Variants in TPP2 observed in about 807,000 individuals in gnomAD.
TPP2 encodes the protein tripeptidyl peptidase 2, also known as tripeptidyl-peptidase 2.
Under a neutral mutation model 155.9 loss-of-function variants are expected in TPP2, and 34 were observed. That is an observed-to-expected ratio of 0.22 (90% CI 0.17 to 0.29). The LOEUF is 0.29. Among genes scored for constraint, TPP2 ranks in the 10% least tolerant of loss-of-function variants. The pLI is 1.00. For synonymous variants in TPP2, 510 were observed against 529.4 expected (o/e 0.96, Z 0.50); for missense variants, 1,028 against 1,522.3 (o/e 0.68, Z 5.40).
Position 102,640,288 on chromosome 13 carries a change from T to C in TPP2, c.1932T>C (p.His644=), listed in dbSNP as rs1360735773. The C allele has an allele frequency of 6.2e-7, 1 of 1,607,528 alleles. No homozygotes were observed. Among genetic ancestry groups the C allele is most frequent in the Non-Finnish European group, 8.5e-7 (1 of 1,175,942 alleles). Reference sequence around the variant, plus strand: ...TTTTCAGAGTAAATGAATCATCACATTATGATCTAGCCTTTACAGATGTAC... The same window carrying C: ...TTTTCAGAGTAAATGAATCATCACACTATGATCTAGCCTTTACAGATGTAC... The part of the protein sequence containing the change: ...VIAAKVNESS[H]YDLAFTDVHF... The change falls in exon 16 of 30, where the codon CAT becomes CAC. Residue 644 remains histidine (H), a synonymous_variant. Transcript: ENST00000376052.
intron 25 of TPP2, among the ~76,000 whole-genome samples, chr13:102,659,976 G>A (rs1595203686): frequency 1.8e-5 from 2 of 112,318 alleles, no homozygotes; most frequent in South Asian, 4.9e-4. Flanking sequence ...AAAAATGACT[G>A]CAGATAGTAA....
At chr13:102,607,562 A>G in intron 2 of TPP2, 1 of 362,076 alleles carries the variant, frequency 2.8e-6, no homozygotes, top group Non-Finnish European at 5.8e-6. Context: ...GCTTAGAGCC[A>G]TATAAAGTAT....
At chr13:102,620,593 T>A (rs1881082440) in intron 5 of TPP2, among the ~76,000 whole-genome samples, 1 of 152,210 alleles carries the variant, frequency 6.6e-6, no homozygotes, top group South Asian at 2.1e-4. Flanking sequence ...ACCTATTCTT[T>A]AAGTACCGTG....
In TPP2 at chr13:102,641,543, A is replaced by G. The variant is rs553651556; in HGVS notation, c.2020+1167A>G. On this transcript the variant is annotated intron_variant, in intron 16 of 29. Coordinates refer to ENST00000376052, the MANE Select transcript of TPP2 (RefSeq NM_001330588.2). ...TCTGAGACTTTATTGAAAATGAAAT[A>G]TTGAAATCACACATGTATGACTTGG... 4.6e-5 allele frequency among the ~76,000 whole-genome samples: 7 copies of G among 152,310 alleles called. No individual in the cohort carries two copies. The East Asian group carries it at 1.4e-3, about 29-fold the overall frequency.
In TPP2 at chr13:102,675,553, A is replaced by G. The variant is rs142098821; in HGVS notation, c.3580-743A>G. On this transcript the variant is annotated intron_variant, in intron 28 of 29. Transcript: ENST00000376052. Reference sequence around the variant, plus strand: ...ATTGAAGGCCTATGTGCCAAACACTACTTACTACTGGAAACATAAAGATGA... The same window carrying G: ...ATTGAAGGCCTATGTGCCAAACACTGCTTACTACTGGAAACATAAAGATGA... 2.1e-3 allele frequency among the ~76,000 whole-genome samples: 320 copies of G among 152,328 alleles called. 1 individual carries two copies. The highest frequency in any genetic ancestry group is 4.0e-4 in the Non-Finnish European group (27 of 68,032).
At position 102,657,138 on chromosome 13, in the gene TPP2, A is replaced by G. The variant is rs199569052; in HGVS notation, c.3074A>G (p.Glu1025Gly). 347 of 1,600,148 alleles carry G rather than the reference A, an allele frequency of 2.2e-4. No individual in the cohort carries two copies. Among genetic ancestry groups the G allele is most frequent in the Non-Finnish European group, 2.7e-4 (320 of 1,176,264 alleles). The change falls in exon 25 of 30, where the codon GAA becomes GGA. Residue 1025 changes from glutamate to glycine, a missense_variant. Physicochemically the swap from Glu to Gly is moderately conservative, Grantham distance 98 (BLOSUM62 -2). This residue lies in a region of TPP2 where 179 missense variants were observed against 274.7 expected (regional missense o/e 0.65). Transcript: ENST00000376052. Reference protein sequence around the residue: ...NGSKDKEKDSEKEKDLKEEFT... With the variant: ...NGSKDKEKDSGKEKDLKEEFT... ...AGCAAAGATAAGGAAAAAGATTCAG[A>G]AAAAGAGAAAGATTTAAAAGAAGAG...
chr13:102,654,869 G>A lies in TPP2; in HGVS notation c.2992-2187G>A, dbSNP rs763452455. ...GGTAGAAGATCAGCTCAGATTTTGC[G>A]CTTACCTTGGCTTTGCTCAGGGCAG... On this transcript the variant is annotated intron_variant, in intron 24 of 29. Transcript: ENST00000376052. The A allele has an allele frequency of 1.1e-4, 49 of 442,450 alleles. 2 individuals carry two copies. The Middle Eastern group carries it at 2.7e-3, about 25-fold the overall frequency. The allele number at this position is 442,450 out of a possible 1,614,324, so 27.4% of individuals were successfully genotyped here.
At chr13:102,657,358 TA>T (rs1218865863) in intron 25 of TPP2, 151 bp downstream of exon 25, 2 of 324,076 alleles carry the variant, frequency 6.2e-6, no homozygotes, top group Non-Finnish European at 1.0e-5. Flanking sequence ...TCTTTTTATA[TA>T]AATGTGTAAT....
chr13:102,669,720 C>G (rs1016927747), intron 27 of TPP2, among the ~76,000 whole-genome samples: 1 of 151,336 alleles, frequency 6.6e-6, no homozygotes, highest in Non-Finnish European at 1.5e-5. Flanking sequence ...ATAAATTTGT[C>G]CAATTTTGGT....
chr13:102,649,225 C>T, intron 22 of TPP2, 74 bp downstream of exon 22: 2 of 1,515,942 alleles, frequency 1.3e-6, no homozygotes, highest in Non-Finnish European at 1.8e-6. Context: ...TTTATGACAT[C>T]TAGGCTAAAT....
chr13:102,615,628 G>A (rs1174109943), intron 3 of TPP2, among the ~76,000 whole-genome samples: 8 of 152,064 alleles, frequency 5.3e-5, no homozygotes, highest in Admixed American at 4.6e-4. Flanking sequence ...TCAAGTCAAA[G>A]AGGATGGAAA....
At chr13:102,641,493 G>A (rs1882766631) in intron 16 of TPP2, among the ~76,000 whole-genome samples, 5 of 152,078 alleles carry the variant, frequency 3.3e-5, no homozygotes. Context: ...TTTTGTACTT[G>A]TATGAAAGTA....
At chr13:102,613,547 C>CCTGTGGGTTCCTTCTAGTTAGTGATAGAG (rs1880476736) in intron 2 of TPP2, among the ~76,000 whole-genome samples, 1 of 152,080 alleles carries the variant, frequency 6.6e-6, no homozygotes, top group Non-Finnish European at 1.5e-5. Context: ...GAAGTAGAAG[C>CCTGTGGGTTCCTTCTAGTTAGTGATAGAG]CTGTGGGTTC....
chr13:102,626,345 T>C (rs1881622150), intron 6 of TPP2, among the ~76,000 whole-genome samples: 1 of 152,262 alleles, frequency 6.6e-6, no homozygotes, highest in African/African-American at 2.4e-5. Context: ...ATAGTAGTAG[T>C]TTATTGCTGT....
At position 102,597,147 on chromosome 13, in the gene TPP2, G is replaced by A; in HGVS notation, c.109G>A (p.Gly37Arg). 1 of 1,608,826 alleles carries A rather than the reference G, an allele frequency of 6.2e-7. No individual in the cohort carries two copies. ...LCRYPEYDGR[G>R]VLIAVLDTGV... Reference sequence around the variant, plus strand: ...CCGCTACCCGGAGTATGATGGGCGGGGGGTGCTCATCGCAGTCCTGGACAC... The same window carrying A: ...CCGCTACCCGGAGTATGATGGGCGGAGGGTGCTCATCGCAGTCCTGGACAC... Residue 37 changes from glycine (G) to arginine (R), a missense_variant, in exon 1 of 30, where the codon GGG becomes AGG. Physicochemically the swap from Gly to Arg is moderately radical, Grantham distance 125. This residue lies in a region of TPP2 where 300 missense variants were observed against 398.3 expected (regional missense o/e 0.75). Transcript: ENST00000376052.
chr13:102,611,232 T>G (rs1411005355), intron 2 of TPP2, among the ~76,000 whole-genome samples: 1 of 152,248 alleles, frequency 6.6e-6, no homozygotes, highest in Non-Finnish European at 1.5e-5. Flanking sequence ...TGTGCACATG[T>G]GTGTGGATGT....
At chr13:102,628,738 C>T (rs1011446376) in intron 8 of TPP2, among the ~76,000 whole-genome samples, 3 of 152,162 alleles carry the variant, frequency 2.0e-5, no homozygotes, top group East Asian at 3.9e-4. Flanking sequence ...CATCACTTTA[C>T]GGTCCTCGTA....
chr13:102,647,125 CTCATG>C, intron 20 of TPP2, 77 bp from the exon 21 acceptor site: 1 of 1,412,462 alleles, frequency 7.1e-7, no homozygotes, highest in Non-Finnish European at 9.4e-7. Flanking sequence ...ATGAAAAAGT[CTCATG>C]TCAATAACAA....
rs1279636197 is a variant in TPP2 at position 102,637,253 on chromosome 13, T to C, written c.1836+14T>C. On this transcript the variant is annotated intron_variant, in intron 14 of 29. Coordinates refer to ENST00000376052, the MANE Select transcript of TPP2 (RefSeq NM_001330588.2). ...CATTATACAGAGGTATTGATGTATCTTCATTTTTACTTTCTTCACTCTTTA... is the reference window on the plus strand; with the variant it reads ...CATTATACAGAGGTATTGATGTATCCTCATTTTTACTTTCTTCACTCTTTA... 3.2e-6 allele frequency: 5 copies of C among 1,573,446 alleles called. No individual in the cohort carries two copies. The East Asian group carries it at 1.1e-4, about 36-fold the overall frequency.
Sources: allele counts gnomAD v4.1 joint callset (sites outside exome capture counted in the v4.1 genomes callset), GRCh38; gene constraint gnomAD v4.1.1; regional missense constraint gnomAD v4.1.1; transcripts MANE v1.5; gene names NCBI Gene and HGNC (gene_info 2026-07-23, HGNC 2026-07-21).